Variants in PCDHA4 observed in about 807,000 individuals in gnomAD.
PCDHA4 encodes the protein protocadherin alpha 4.
In PCDHA4, 49 loss-of-function variants were observed where a neutral mutation model predicts 61.4. The observed-to-expected ratio is 0.80, with a 90% CI of 0.63 to 1.01. PCDHA4 has a LOEUF of 1.01. Ranked by LOEUF, PCDHA4 falls within the 50% of genes least tolerant of loss-of-function variation. The probability of loss-of-function intolerance (pLI) is 0.00; values close to 1 mark genes in which losing one functional copy is unlikely to be tolerated. For missense variants in PCDHA4, 1,254 were observed against 1,235.8 expected (o/e 1.01, Z -0.22); for synonymous variants, 590 against 550.3 (o/e 1.07, Z -1.01).
At chr5:140,902,442 T>G (rs1182491503) in intron 1 of PCDHA4, among the ~76,000 whole-genome samples, 1 of 152,166 alleles carries the variant, frequency 6.6e-6, no homozygotes, top group Non-Finnish European at 1.5e-5. Flanking sequence ...CCTTGTCATA[T>G]TCTAGATCCT....
chr5:140,851,363 A>C lies in PCDHA4; in HGVS notation c.2385+41791A>C. 5 of 979,054 alleles carry C rather than the reference A, an allele frequency of 5.1e-6. 1 individual carries two copies. Among genetic ancestry groups the C allele is most frequent in the Non-Finnish European group, 6.2e-6 (5 of 807,194 alleles). 60.6% of individuals were successfully genotyped at this position (979,054 alleles called of 1,614,324 possible). On this transcript the variant is annotated intron_variant, in intron 1 of 3. Coordinates refer to ENST00000530339, the MANE Select transcript of PCDHA4 (RefSeq NM_018907.4). ...ATTTCTCTGGATGGAGACTGTGAAC[A>C]TCTGATTGTTCAGCAACCTTCAGTA...
rs781922775 is a variant in PCDHA4 at position 140,856,490 on chromosome 5, G to C, written c.2385+46918G>C. On this transcript the variant is annotated intron_variant, in intron 1 of 3. Coordinates refer to ENST00000530339, the MANE Select transcript of PCDHA4 (RefSeq NM_018907.4). Reference sequence around the variant, plus strand: ...CTCAATACCTGAATCCAGACTGCTTGACTCTCGATTTCCACTAGAAGGCGC... The same window carrying C: ...CTCAATACCTGAATCCAGACTGCTTCACTCTCGATTTCCACTAGAAGGCGC... 1.9e-6 allele frequency: 3 copies of C among 1,598,350 alleles called. 1 individual carries two copies. The highest frequency in any genetic ancestry group is 2.6e-6 in the Non-Finnish European group (3 of 1,167,864).
At chr5:140,873,403 G>A (rs2054270816) in intron 1 of PCDHA4, among the ~76,000 whole-genome samples, 1 of 152,046 alleles carries the variant, frequency 6.6e-6, no homozygotes, top group South Asian at 2.1e-4. Flanking sequence ...TTCAGTACAG[G>A]TTAAAATTTT....
intron 1 of PCDHA4, among the ~76,000 whole-genome samples, chr5:140,903,353 G>C (rs782739410): frequency 6.6e-5 from 10 of 152,156 alleles, no homozygotes; most frequent in Non-Finnish European, 1.3e-4. Context: ...TAAAAAACAA[G>C]TTTTTCAAAA....
intron 1 of PCDHA4, among the ~76,000 whole-genome samples, chr5:140,943,257 CA>C (rs1238620023): frequency 1.6e-3 from 121 of 77,534 alleles, no homozygotes; most frequent in Middle Eastern, 7.2e-3. Flanking sequence ...GACTCTGTCT[CA>C]AAAAAAAAAA....
intron 1 of PCDHA4, chr5:140,858,448 C>A (rs1554151646): frequency 3.3e-6 from 5 of 1,532,196 alleles, no homozygotes; most frequent in African/African-American, 1.4e-5. Context: ...TGGGTTATTA[C>A]GTTTTCATTT....
At chr5:141,006,880 G>A (rs1554260955) in intron 3 of PCDHA4, among the ~76,000 whole-genome samples, 1 of 152,192 alleles carries the variant, frequency 6.6e-6, no homozygotes, top group Non-Finnish European at 1.5e-5. Flanking sequence ...GAGGAATCAA[G>A]AGTTTGATTT....
At chr5:140,893,763 TG>T (rs1554185760) in intron 1 of PCDHA4, among the ~76,000 whole-genome samples, 1 of 152,156 alleles carries the variant, frequency 6.6e-6, no homozygotes, top group African/African-American at 2.4e-5. Flanking sequence ...ATAGGTGACT[TG>T]TCACTTTTCT....
At chr5:140,997,762 A>G (rs2097784598) in intron 3 of PCDHA4, among the ~76,000 whole-genome samples, 1 of 152,118 alleles carries the variant, frequency 6.6e-6, no homozygotes, top group Non-Finnish European at 1.5e-5. Context: ...GAGTAAGGAT[A>G]TAGCACTATG....
At chr5:140,850,385 G>A (rs2150481955) in intron 1 of PCDHA4, 4 of 1,598,006 alleles carry the variant, frequency 2.5e-6, no homozygotes, top group South Asian at 1.1e-5. Flanking sequence ...ACACGGGCGA[G>A]ATCAGCACAA....
At chr5:140,842,280 T>C (rs1554138934) in intron 1 of PCDHA4, 10 of 1,610,840 alleles carry the variant, frequency 6.2e-6, no homozygotes, top group South Asian at 3.3e-5. Flanking sequence ...AAAATCCTCA[T>C]TGACGCCACG....
intron 1 of PCDHA4, among the ~76,000 whole-genome samples, chr5:140,826,793 T>C (rs1346531723): frequency 6.6e-5 from 10 of 152,152 alleles, no homozygotes; most frequent in Admixed American, 6.5e-4. Context: ...TGCAAAAAGT[T>C]GATTACCTAA....
intron 1 of PCDHA4, among the ~76,000 whole-genome samples, chr5:140,903,855 AAT>A (rs2070667296): frequency 6.6e-6 from 1 of 152,186 alleles, no homozygotes; most frequent in Non-Finnish European, 1.5e-5. Context: ...CTTAACAAAT[AAT>A]ATAGAGTAAA....
intron 1 of PCDHA4, among the ~76,000 whole-genome samples, chr5:140,826,768 T>TA (rs1769047468): frequency 6.6e-6 from 1 of 152,046 alleles, no homozygotes; most frequent in Non-Finnish European, 1.5e-5. Context: ...TATTGGAGAG[T>TA]AATTGAAAAT....
At chr5:140,842,027 AATG>A (rs2150327621) in intron 1 of PCDHA4, 1 of 1,613,850 alleles carries the variant, frequency 6.2e-7, no homozygotes, top group East Asian at 2.2e-5. Flanking sequence ...GCTGGATGTG[AATG>A]ATAATGCTCC....
chr5:140,985,060 C>T (rs1377386395), intron 3 of PCDHA4, among the ~76,000 whole-genome samples: 2 of 152,066 alleles, frequency 1.3e-5, no homozygotes, highest in Admixed American at 6.5e-5. Flanking sequence ...GCCTCAGCCT[C>T]CTGAGTAGCT....
chr5:140,819,243 A>C (rs1186721766), intron 1 of PCDHA4, among the ~76,000 whole-genome samples: 1 of 152,162 alleles, frequency 6.6e-6, no homozygotes, highest in African/African-American at 2.4e-5. Flanking sequence ...TCTTCTCTGC[A>C]ATCTGGTATA....
At chr5:140,948,237 T>C (rs532703710) in intron 1 of PCDHA4, among the ~76,000 whole-genome samples, 1 of 151,810 alleles carries the variant, frequency 6.6e-6, no homozygotes, top group South Asian at 2.1e-4. Flanking sequence ...ACTTGTATTT[T>C]AGTAAATATT....
intron 1 of PCDHA4, among the ~76,000 whole-genome samples, chr5:140,971,045 T>C (rs2096453995): frequency 6.6e-6 from 1 of 152,090 alleles, no homozygotes; most frequent in East Asian, 1.9e-4. Context: ...CGTAAAAGGG[T>C]TTAGCTTTAA....
Sources: allele counts gnomAD v4.1 joint callset (sites outside exome capture counted in the v4.1 genomes callset), GRCh38; gene constraint gnomAD v4.1.1; transcripts MANE v1.5; gene names NCBI Gene and HGNC (gene_info 2026-07-23, HGNC 2026-07-21).